The following IL1RAPL1 variants were observed in gnomAD, a reference collection of about 807,000 sequenced individuals.
IL1RAPL1 encodes the protein interleukin 1 receptor accessory protein like 1, also known as interleukin-1 receptor accessory protein-like 1.
IL1RAPL1 carries 3 observed loss-of-function variants against 48.4 expected under a neutral mutation model. The ratio of observed to expected loss-of-function variants is 0.06; its 90% CI spans 0.03 to 0.16. The LOEUF (loss-of-function observed/expected upper bound fraction) is 0.16. Ranked by LOEUF, IL1RAPL1 falls within the 10% of genes least tolerant of loss-of-function variation. The pLI is 1.00. For missense variants in IL1RAPL1, 349 were observed against 530.6 expected (o/e 0.66, Z 3.36); for synonymous variants, 185 against 187.7 (o/e 0.99, Z 0.12).
At position 28,829,523 on chromosome X, in the gene IL1RAPL1, A is replaced by G. The variant is rs190073226; in HGVS notation, c.82+40098A>G. Among the ~76,000 whole-genome samples the G allele has an allele frequency of 3.0e-4, 32 of 107,131 alleles. No individual in the cohort carries two copies. The East Asian group carries it at 8.0e-3, about 27-fold the overall frequency. The allele number at this position is 107,131 out of a possible 115,157, so 93.0% of individuals were successfully genotyped here. On this transcript the variant is annotated intron_variant, in intron 2 of 10. Transcript: ENST00000378993. ...TTGAGGAAGTTCCCTTCTGATTCCAATTTATTGAATGCTTTATCATGAAAG... is the reference window on the plus strand; with the variant it reads ...TTGAGGAAGTTCCCTTCTGATTCCAGTTTATTGAATGCTTTATCATGAAAG...
intron 5 of IL1RAPL1, among the ~76,000 whole-genome samples, chrX:29,582,274 A>G (rs1275133074): frequency 8.9e-6 from 1 of 111,848 alleles, no homozygotes; most frequent in Non-Finnish European, 1.9e-5. Context: ...ATTGGAAACT[A>G]TGTAATTAAT....
intron 2 of IL1RAPL1, among the ~76,000 whole-genome samples, chrX:28,971,357 A>G (rs1199970201): frequency 8.9e-6 from 1 of 112,475 alleles, no homozygotes; most frequent in African/African-American, 3.2e-5. Flanking sequence ...AAGAAGAAAC[A>G]GTTTTGGCAA....
intron 2 of IL1RAPL1, among the ~76,000 whole-genome samples, chrX:29,129,486 A>G (rs1405282013): frequency 9.0e-6 from 1 of 111,611 alleles, no homozygotes; most frequent in Non-Finnish European, 1.9e-5. Context: ...AAGGATATGT[A>G]TAACAAAATT....
chrX:28,999,562 C>T (rs1229122053), intron 2 of IL1RAPL1, among the ~76,000 whole-genome samples: 1 of 111,462 alleles, frequency 9.0e-6, no homozygotes, highest in Non-Finnish European at 1.9e-5. Flanking sequence ...TATTCTGACC[C>T]CACCTCCAAA....
intron 2 of IL1RAPL1, among the ~76,000 whole-genome samples, chrX:29,211,118 A>AGG (rs1371576615): frequency 2.9e-5 from 2 of 68,138 alleles, no homozygotes; most frequent in Non-Finnish European, 6.6e-5. Context: ...GGAAAGAGAA[A>AGG]GGGAGAGAGA....
chrX:29,098,441 A>G (rs1354155686), intron 2 of IL1RAPL1, among the ~76,000 whole-genome samples: 1 of 112,424 alleles, frequency 8.9e-6, no homozygotes, highest in Non-Finnish European at 1.9e-5. Flanking sequence ...ATTATAATGT[A>G]TCATTTTATT....
chrX:29,450,917 T>C (rs146136951), intron 5 of IL1RAPL1, among the ~76,000 whole-genome samples: 9 of 110,954 alleles, frequency 8.1e-5, no homozygotes, highest in African/African-American at 1.6e-4. Context: ...CCATACATGA[T>C]TTAGCTTAAC....
chrX:28,774,177 T>C (rs1601897572), intron 1 of IL1RAPL1, among the ~76,000 whole-genome samples: 2 of 112,071 alleles, frequency 1.8e-5, no homozygotes, highest in African/African-American at 6.5e-5. Context: ...TTTAGATGAC[T>C]GCATTGAGTT....
At chrX:29,678,659 C>T (rs1219913895) in intron 6 of IL1RAPL1, among the ~76,000 whole-genome samples, 1 of 109,556 alleles carries the variant, frequency 9.1e-6, no homozygotes, top group Admixed American at 9.8e-5. Context: ...TGAGCCACCG[C>T]GCCCGGCCAA....
chrX:29,938,591 A>C (rs1933072847), intron 8 of IL1RAPL1, among the ~76,000 whole-genome samples: 1 of 112,490 alleles, frequency 8.9e-6, no homozygotes, highest in African/African-American at 3.2e-5. Context: ...AAAATGTTAA[A>C]GAATTGAAAT....
In IL1RAPL1 at chrX:29,592,776, GA is replaced by G. The variant is rs201061048; in HGVS notation, c.704-75653del. On this transcript the variant is annotated intron_variant, in intron 5 of 10. Transcript: ENST00000378993. Reference sequence around the variant, plus strand: ...TTCTGAGATTTTATGGTGCCGAGAGGAGCCCCCCTCACCAATGTCCTGGCCT... The same window carrying G: ...TTCTGAGATTTTATGGTGCCGAGAGGGCCCCCCTCACCAATGTCCTGGCCT... 1.0e-2 allele frequency among the ~76,000 whole-genome samples: 887 copies of G among 89,145 alleles called. 10 individuals are homozygous for G. The highest frequency in any genetic ancestry group is 0.036 in the African/African-American group (846 of 23,622). The allele number at this position is 89,145 out of a possible 115,157, so 77.4% of individuals were successfully genotyped here.
chrX:29,050,809 G>A (rs893275308), intron 2 of IL1RAPL1, among the ~76,000 whole-genome samples: 14 of 112,098 alleles, frequency 1.2e-4, no homozygotes, highest in Non-Finnish European at 2.3e-4. Flanking sequence ...CTCCATTTAA[G>A]TGCTTTATTT....
intron 5 of IL1RAPL1, among the ~76,000 whole-genome samples, chrX:29,503,026 G>A (rs1569325604): frequency 9.0e-6 from 1 of 111,191 alleles, no homozygotes; most frequent in Non-Finnish European, 1.9e-5. Context: ...ATATTCATAG[G>A]TTTTATGTGT....
chrX:28,730,432 C>T (rs1210721407), intron 1 of IL1RAPL1, among the ~76,000 whole-genome samples: 4 of 110,959 alleles, frequency 3.6e-5, no homozygotes, highest in Non-Finnish European at 5.7e-5. Context: ...TTCCGAAAAA[C>T]GACTAAATAG....
chrX:28,971,014 ACAAAT>A (rs1185009480), intron 2 of IL1RAPL1, among the ~76,000 whole-genome samples: 3 of 111,656 alleles, frequency 2.7e-5, no homozygotes, highest in African/African-American at 9.8e-5. Flanking sequence ...CTCATGAAAA[ACAAAT>A]CAAAAGGGAA....
chrX:28,697,917 C>G (rs1935252711), intron 1 of IL1RAPL1, among the ~76,000 whole-genome samples: 1 of 110,858 alleles, frequency 9.0e-6, no homozygotes, highest in Non-Finnish European at 1.9e-5. Context: ...TTCTGACACT[C>G]AACAGTGCTG....
At chrX:29,183,150 A>C (rs140779826) in intron 2 of IL1RAPL1, among the ~76,000 whole-genome samples, 1 of 111,714 alleles carries the variant, frequency 9.0e-6, no homozygotes, top group Admixed American at 9.5e-5. Flanking sequence ...TCATGTCCCA[A>C]GTACTTAAGG....
intron 6 of IL1RAPL1, among the ~76,000 whole-genome samples, chrX:29,836,188 C>CTTTTTTTTT (rs201175211): frequency 2.2e-5 from 2 of 89,195 alleles, no homozygotes; most frequent in Non-Finnish European, 4.2e-5. Flanking sequence ...TTTCATTTTT[C>CTTTTTTTTT]TTTTTTTTTT....
chrX:29,452,537 T>C (rs992363315), intron 5 of IL1RAPL1, among the ~76,000 whole-genome samples: 2 of 111,477 alleles, frequency 1.8e-5, no homozygotes, highest in African/African-American at 6.5e-5. Context: ...ATACAGAAAA[T>C]GATATGTTTT....
Sources: allele counts gnomAD v4.1 joint callset (sites outside exome capture counted in the v4.1 genomes callset), GRCh38; gene constraint gnomAD v4.1.1; transcripts MANE v1.5; gene names NCBI Gene and HGNC (gene_info 2026-07-23, HGNC 2026-07-21).